PTPRG: variants seen among roughly 807,000 people sequenced by gnomAD.
PTPRG encodes the protein protein tyrosine phosphatase receptor type G, also known as receptor-type tyrosine-protein phosphatase gamma.
In PTPRG, 102 loss-of-function variants were observed where a neutral mutation model predicts 165.3. The observed-to-expected ratio is 0.62, with a 90% confidence interval of 0.53 to 0.73. The LOEUF (loss-of-function observed/expected upper bound fraction) is 0.73, where lower values mean the gene tolerates loss of function less well. Ranked by LOEUF, PTPRG falls within the 30% of genes least tolerant of loss-of-function variation. The pLI, the probability that PTPRG is intolerant of heterozygous loss-of-function variation, is 0.00. For synonymous variants in PTPRG, 675 were observed against 669.5 expected (o/e 1.01, Z -0.13); for missense variants, 1,866 against 1,861.4 (o/e 1.00, Z -0.05).
intron 2 of PTPRG, among the ~76,000 whole-genome samples, chr3:61,827,290 A>G (rs2036142054): frequency 6.6e-6 from 1 of 152,220 alleles, no homozygotes; most frequent in Non-Finnish European, 1.5e-5. Flanking sequence ...TAGTTCACCC[A>G]GAGAAGTATG....
At chr3:62,230,912 A>G (rs574712627) in intron 13 of PTPRG, among the ~76,000 whole-genome samples, 28 of 152,352 alleles carry the variant, frequency 1.8e-4, no homozygotes, top group African/African-American at 6.3e-4. Flanking sequence ...GAGTGGGTAT[A>G]TGAATGACAA....
At chr3:62,132,865 T>G (rs1177029149) in intron 6 of PTPRG, among the ~76,000 whole-genome samples, 197 bp downstream of exon 6, 2 of 152,236 alleles carry the variant, frequency 1.3e-5, no homozygotes, top group African/African-American at 2.4e-5. Context: ...GTGTTAACAG[T>G]AAGCAGTTTG....
intron 5 of PTPRG, among the ~76,000 whole-genome samples, chr3:62,090,453 G>C (rs1701890759): frequency 6.6e-6 from 1 of 152,066 alleles, no homozygotes; most frequent in African/African-American, 2.4e-5. Flanking sequence ...TGAATGTTTA[G>C]GGTCATATCT....
chr3:61,598,464 GTC>G (rs1700760205), intron 1 of PTPRG, among the ~76,000 whole-genome samples: 1 of 152,134 alleles, frequency 6.6e-6, no homozygotes, highest in African/African-American at 2.4e-5. Flanking sequence ...TCCCCGTCCT[GTC>G]TCTTATTTTG....
At position 62,022,675 on chromosome 3, in the gene PTPRG, G is replaced by A. The variant is rs554443866; in HGVS notation, c.519+19178G>A. On this transcript the variant is annotated intron_variant, in intron 4 of 29. Transcript: ENST00000474889. ...AAAGATTGGCTCCCAGATTGATAGCGTCTTGGGTGGATTAGTAAATCGATT... is the reference window on the plus strand; with the variant it reads ...AAAGATTGGCTCCCAGATTGATAGCATCTTGGGTGGATTAGTAAATCGATT... 1.3e-3 allele frequency among the ~76,000 whole-genome samples: 205 copies of A among 152,240 alleles called. 1 individual carries two copies. Among genetic ancestry groups the A allele is most frequent in the Admixed American group, 4.4e-3 (67 of 15,288 alleles).
At chr3:62,292,723 G>T in intron 29 of PTPRG, 167 bp downstream of exon 29, 1 of 702,648 alleles carries the variant, frequency 1.4e-6, no homozygotes, top group Admixed American at 3.0e-5. Context: ...GGCATCTAGA[G>T]GATACAAGCC....
At chr3:62,239,356 C>CTTTTTTTTTTT (rs1559693306) in intron 14 of PTPRG, among the ~76,000 whole-genome samples, 1 of 138,868 alleles carries the variant, frequency 7.2e-6, no homozygotes, top group Admixed American at 7.2e-5. Context: ...TTTCTTTTTT[C>CTTTTTTTTTTT]TTTCTTTTTT....
At chr3:61,690,701 C>T (rs375780324) in intron 1 of PTPRG, among the ~76,000 whole-genome samples, 3 of 152,180 alleles carry the variant, frequency 2.0e-5, no homozygotes, top group African/African-American at 4.8e-5. Flanking sequence ...ACTGTTCACT[C>T]AGATGGTTTC....
At chr3:61,973,931 T>C (rs2040441071) in intron 2 of PTPRG, among the ~76,000 whole-genome samples, 1 of 152,174 alleles carries the variant, frequency 6.6e-6, no homozygotes, top group Non-Finnish European at 1.5e-5. Flanking sequence ...TGTCAAATGA[T>C]GCTTTCCTTT....
chr3:62,230,139 C>T (rs1418451496), intron 13 of PTPRG, among the ~76,000 whole-genome samples: 4 of 152,296 alleles, frequency 2.6e-5, no homozygotes, highest in Middle Eastern at 3.4e-3. Flanking sequence ...CCCTTTTAAT[C>T]GTATTTCCAA....
intron 4 of PTPRG, among the ~76,000 whole-genome samples, chr3:62,049,795 C>G (rs2106646036): frequency 6.6e-6 from 1 of 152,262 alleles, no homozygotes; most frequent in East Asian, 1.9e-4. Context: ...GAGCTACATT[C>G]TGAAGGACAC....
chr3:61,772,057 C>CT (rs1394115272), intron 2 of PTPRG, among the ~76,000 whole-genome samples: 5 of 70,874 alleles, frequency 7.1e-5, no homozygotes, highest in Non-Finnish European at 1.1e-4. Flanking sequence ...AAGACTCTGT[C>CT]TAAAAAAAAA....
intron 1 of PTPRG, among the ~76,000 whole-genome samples, chr3:61,743,794 G>T (rs1281981986): frequency 6.6e-6 from 1 of 152,132 alleles, no homozygotes; most frequent in Non-Finnish European, 1.5e-5. Flanking sequence ...ACCATAGGCA[G>T]ATTTACACTT....
chr3:62,092,063 GACACACACACACACACACACACACACAC>G (rs58689072), intron 5 of PTPRG, among the ~76,000 whole-genome samples: 11,439 of 114,940 alleles, frequency 0.1, 611 homozygotes, highest in South Asian at 0.14. Flanking sequence ...CTTATACATG[GACACACACACACACACACACACACACAC>G]ACACACACAC....
At position 62,240,724 on chromosome 3, in the gene PTPRG, T is replaced by C. The variant is rs1477238742; in HGVS notation, c.2376-3083T>C. ...TCCCTCTGCTCTAAGGCTCTTCAACTAGCTGCTTGACCTGCCTAAAATGGT... is the reference window on the plus strand; with the variant it reads ...TCCCTCTGCTCTAAGGCTCTTCAACCAGCTGCTTGACCTGCCTAAAATGGT... On this transcript the variant is annotated intron_variant, in intron 14 of 29. Coordinates refer to ENST00000474889, the MANE Select transcript of PTPRG (RefSeq NM_002841.4). This position sits in a 1 kb window ranked among gnomAD's most constrained non-coding sequence, Gnocchi z 5.1. 6.6e-6 allele frequency among the ~76,000 whole-genome samples: 1 copy of C among 152,304 alleles called. No individual in the cohort carries two copies. The highest frequency in any genetic ancestry group is 1.5e-5 in the Non-Finnish European group (1 of 68,024).
At chr3:62,061,137 T>C (rs2106689413) in intron 4 of PTPRG, among the ~76,000 whole-genome samples, 1 of 152,346 alleles carries the variant, frequency 6.6e-6, no homozygotes, top group Middle Eastern at 3.4e-3. Flanking sequence ...TGATTTAAAA[T>C]ACCTTCTTTG....
intron 1 of PTPRG, among the ~76,000 whole-genome samples, chr3:61,744,555 T>C (rs1019142928): frequency 6.6e-6 from 1 of 152,200 alleles, no homozygotes; most frequent in Non-Finnish European, 1.5e-5. Context: ...AAAAATACTT[T>C]ATTATAATCT....
intron 2 of PTPRG, among the ~76,000 whole-genome samples, chr3:61,754,926 A>G (rs2033581725): frequency 6.6e-6 from 1 of 151,752 alleles, no homozygotes; most frequent in Admixed American, 6.6e-5. Context: ...GCCTCCTCCA[A>G]AATCTCTTAA....
intron 5 of PTPRG, among the ~76,000 whole-genome samples, chr3:62,095,205 A>G (rs1180970727): frequency 6.6e-6 from 1 of 152,198 alleles, no homozygotes; most frequent in Admixed American, 6.5e-5. Context: ...TGTTAAGCAG[A>G]CAGTCTTGGT....
Sources: allele counts gnomAD v4.1 joint callset (sites outside exome capture counted in the v4.1 genomes callset), GRCh38; gene constraint gnomAD v4.1.1; non-coding constraint Gnocchi (gnomAD v3.1); transcripts MANE v1.5; gene names NCBI Gene and HGNC (gene_info 2026-07-23, HGNC 2026-07-21).